Variants in NEK4 observed in about 807,000 individuals in gnomAD.
NEK4 encodes the protein serine/threonine-protein kinase Nek4.
Under a neutral mutation model 98.4 loss-of-function variants are expected in NEK4, and 86 were observed. The observed-to-expected ratio is 0.87, with a 90% CI of 0.73 to 1.05. NEK4 has a LOEUF of 1.05. Ranked by LOEUF, NEK4 falls within the 50% of genes least tolerant of loss-of-function variation. The pLI is 0.00. For synonymous variants in NEK4, 328 were observed against 342.2 expected (o/e 0.96, Z 0.46); for missense variants, 898 against 950.3 (o/e 0.94, Z 0.72).
chr3:52,752,466 C>A, intron 6 of NEK4, 130 bp from the exon 7 acceptor site: 1 of 797,452 alleles, frequency 1.3e-6, no homozygotes, highest in South Asian at 1.8e-5. Flanking sequence ...AATTCCACTC[C>A]TAAGTATGTA....
At position 52,766,304 on chromosome 3, in the gene NEK4, G is replaced by T; in HGVS notation, c.432C>A (p.Ile144=). The change falls in exon 3 of 16, where the codon ATC becomes ATA. Residue 144 remains isoleucine, a synonymous_variant. Coordinates refer to ENST00000233027, the MANE Select transcript of NEK4 (RefSeq NM_003157.6). ...TQNVFLTRTN[I]IKVGDLGIAR... is the part of the protein sequence containing the mutation. ...CAATTCCTAGGTCCCCTACTTTGAT[G>T]ATGTTTGTTCTTGTTAGGAAGACAT... 6.2e-7 allele frequency: 1 copy of T among 1,614,050 alleles called. No individual in the cohort carries two copies. The highest frequency in any genetic ancestry group is 8.5e-7 in the Non-Finnish European group (1 of 1,179,904).
In NEK4 at chr3:52,756,997, A is replaced by T. The variant is rs146529449; in HGVS notation, c.963+3798T>A. Among the ~76,000 whole-genome samples, 140 of 152,322 alleles carry T rather than the reference A, an allele frequency of 9.2e-4. 1 individual carries two copies. The highest frequency in any genetic ancestry group is 5.8e-3 in the South Asian group (28 of 4,828). On this transcript the variant is annotated intron_variant, in intron 6 of 15. Coordinates refer to ENST00000233027, the MANE Select transcript of NEK4 (RefSeq NM_003157.6). The stretch of plus-strand genomic sequence containing the variant: ...CAAACGGCCAATAAGCACACAAAAA[A>T]TGCTCAATATAACTAATCACTAAGG...
Position 52,764,504 on chromosome 3 carries a change from A to T in NEK4, c.667-880T>A, listed in dbSNP as rs558367193. On this transcript the variant is annotated intron_variant, in intron 4 of 15. Transcript: ENST00000233027. ...AAAGTGGACGGGCGTGGTGGCGGGC[A>T]CCTGTAGTCCCAGCTACTTGGGAGG... 4.0e-5 allele frequency among the ~76,000 whole-genome samples: 6 copies of T among 151,152 alleles called. No homozygotes were observed. The East Asian group carries it at 1.2e-3, about 30-fold the overall frequency.
chr3:52,766,436 G>T, intron 2 of NEK4, 61 bp from the exon 3 acceptor site: 1 of 1,241,348 alleles, frequency 8.1e-7, no homozygotes. Context: ...TTTATTCCTG[G>T]CTTATTATAT....
At chr3:52,737,429 C>T (rs1171011385) in intron 15 of NEK4, 157 bp downstream of exon 15, 6 of 676,034 alleles carry the variant, frequency 8.9e-6, no homozygotes, top group Admixed American at 2.9e-5. Context: ...GTTCTAATAT[C>T]GATTGTGGTA....
intron 15 of NEK4, among the ~76,000 whole-genome samples, chr3:52,721,997 G>A (rs2097360503): frequency 6.6e-6 from 1 of 152,188 alleles, no homozygotes; most frequent in Non-Finnish European, 1.5e-5. Context: ...CTGTGATCCA[G>A]AGTGGGAACT....
intron 13 of NEK4, 84 bp from the exon 14 acceptor site, chr3:52,739,718 G>C (rs951864253): frequency 1.7e-6 from 2 of 1,170,186 alleles, no homozygotes; most frequent in South Asian, 2.7e-5. Flanking sequence ...ACGACCTTTC[G>C]GGAATTATCC....
At position 52,722,883 on chromosome 3, in the gene NEK4, G is replaced by A. The variant is rs960899118; in HGVS notation, c.2434-11014C>T. On this transcript the variant is annotated intron_variant, in intron 15 of 15. Transcript: ENST00000233027. ...TGCCCTCTAGCCTGAGCGACAGAGC[G>A]AGACTCTGTCTCAGAAAAAGAAAGT... Among the ~76,000 whole-genome samples the A allele has an allele frequency of 5.9e-5, 9 of 152,088 alleles. No homozygotes were observed. In the South Asian group the frequency reaches 1.0e-3, roughly 18 times the overall value.
chr3:52,748,911 C>T (rs1418838245), intron 8 of NEK4, among the ~76,000 whole-genome samples: 2 of 152,054 alleles, frequency 1.3e-5, no homozygotes, highest in Non-Finnish European at 2.9e-5. Context: ...CATAGGGACA[C>T]CCTGTCCCTA....
chr3:52,719,002 C>T (rs1373079530), intron 15 of NEK4, among the ~76,000 whole-genome samples: 1 of 152,174 alleles, frequency 6.6e-6, no homozygotes, highest in Non-Finnish European at 1.5e-5. Flanking sequence ...GGTGATCTGC[C>T]CGCCTTGGCT....
At chr3:52,746,493 A>T (rs2072390) in intron 9 of NEK4, among the ~76,000 whole-genome samples, 69,402 of 152,058 alleles carry the variant, frequency 0.46, 16,165 homozygotes, top group Admixed American at 0.52. Flanking sequence ...AGGTTTAACC[A>T]CATTAGCCTA....
intron 8 of NEK4, among the ~76,000 whole-genome samples, chr3:52,748,640 T>C (rs1229143785): frequency 1.3e-5 from 2 of 152,232 alleles, no homozygotes; most frequent in African/African-American, 4.8e-5. Context: ...TGGCATTAGA[T>C]GCAGTCTTAT....
At chr3:52,761,218 G>C (rs1393960642) in intron 5 of NEK4, among the ~76,000 whole-genome samples, 1 of 152,120 alleles carries the variant, frequency 6.6e-6, no homozygotes, top group African/African-American at 2.4e-5. Flanking sequence ...AGAGACATTA[G>C]AGAAAAAAAC....
chr3:52,749,432 C>G (rs764960310), intron 8 of NEK4, among the ~76,000 whole-genome samples: 1 of 151,456 alleles, frequency 6.6e-6, no homozygotes, highest in Non-Finnish European at 1.5e-5. Flanking sequence ...CATTCCTGGA[C>G]GGGAGACAAT....
At chr3:52,720,121 A>G (rs2097358709) in intron 15 of NEK4, among the ~76,000 whole-genome samples, 1 of 152,146 alleles carries the variant, frequency 6.6e-6, no homozygotes, top group Non-Finnish European at 1.5e-5. Flanking sequence ...CGTCTCTACT[A>G]AAAATACAAA....
chr3:52,754,452 G>A, intron 6 of NEK4: 1 of 603,590 alleles, frequency 1.7e-6, no homozygotes, highest in East Asian at 4.0e-5. Flanking sequence ...CTTTTTAAGA[G>A]TAAAGTGGTT....
At position 52,770,751 on chromosome 3, in the gene NEK4, C is replaced by T; in HGVS notation, c.-5G>A. On this transcript the variant is annotated 5_prime_UTR_variant, in exon 1 of 16. Transcript: ENST00000233027. Reference sequence around the variant, plus strand: ...GCAGTAGGCGGCCAGGGGCATGTTCCCAGCGCTGGCCCAGAGTCGGGATGC... The same window carrying T: ...GCAGTAGGCGGCCAGGGGCATGTTCTCAGCGCTGGCCCAGAGTCGGGATGC... 1 of 1,558,450 alleles carries T rather than the reference C, an allele frequency of 6.4e-7. No individual in the cohort carries two copies. Among genetic ancestry groups the T allele is most frequent in the Non-Finnish European group, 8.7e-7 (1 of 1,152,402 alleles).
At chr3:52,739,737 G>T in intron 13 of NEK4, 103 bp from the exon 14 acceptor site, 1 of 928,278 alleles carries the variant, frequency 1.1e-6, no homozygotes, top group Non-Finnish European at 1.7e-6. Context: ...CCTTTGAAAT[G>T]TCCAAGTAAG....
intron 15 of NEK4, among the ~76,000 whole-genome samples, chr3:52,712,952 G>T (rs1004086714): frequency 1.3e-5 from 2 of 152,132 alleles, no homozygotes; most frequent in Non-Finnish European, 2.9e-5. Flanking sequence ...GGGTGGTCTT[G>T]GGAAATGCAA....
Sources: gnomAD v4.1 joint callset for allele counts (sites outside exome capture counted in the v4.1 genomes callset) on GRCh38, gnomAD v4.1.1 for gene constraint, MANE v1.5 for transcripts, NCBI Gene and HGNC (gene_info 2026-07-23, HGNC 2026-07-21) for gene names.